CTBP2: variants seen among roughly 807,000 people sequenced by gnomAD.
CTBP2 encodes the protein C-terminal binding protein 2.
CTBP2 carries 30 observed loss-of-function variants against 80.3 expected under a neutral mutation model. The observed-to-expected ratio is 0.37, with a 90% CI of 0.28 to 0.51. The LOEUF is 0.51. CTBP2 is among the 20% of genes least tolerant of loss of function. The pLI is 0.93. For synonymous variants in CTBP2, 594 were observed against 587.4 expected (o/e 1.01, Z -0.16); for missense variants, 1,212 against 1,375.3 (o/e 0.88, Z 1.88).
intron 3 of CTBP2, among the ~76,000 whole-genome samples, chr10:125,001,812 G>T (rs1954548101): frequency 6.6e-6 from 1 of 152,202 alleles, no homozygotes; most frequent in Admixed American, 6.5e-5. Context: ...GCCCCGACTG[G>T]CCGTGAAGGA....
In CTBP2 at chr10:124,989,224, A is replaced by T; in HGVS notation, c.*294T>A. The T allele has an allele frequency of 2.5e-6, 1 of 396,798 alleles. No homozygotes were observed. Among genetic ancestry groups the T allele is most frequent in the South Asian group, 2.2e-5 (1 of 45,250 alleles). 24.6% of individuals were successfully genotyped at this position (396,798 alleles called of 1,614,324 possible). ...AGGACCTGCTGTGCCCAAGGGACTG[A>T]TAAAGGAAAAAGCTCTATTTATTCT... is the stretch of plus-strand genomic sequence containing the variant. On this transcript the variant is annotated 3_prime_UTR_variant, in exon 9 of 9. Transcript: ENST00000309035.
At chr10:125,158,204 C>T (rs1335721758) in intron 1 of CTBP2, among the ~76,000 whole-genome samples, 1 of 151,896 alleles carries the variant, frequency 6.6e-6, no homozygotes, top group Non-Finnish European at 1.5e-5. Flanking sequence ...TCTCAAAGTA[C>T]ATGAAAACTA....
chr10:125,091,337 G>T lies in CTBP2; in HGVS notation c.-102+19653C>A, dbSNP rs534327593. On this transcript the variant is annotated intron_variant, in intron 2 of 10. Coordinates refer to the CTBP2 transcript ENST00000337195. ...ACTTGTACGTCCTGGTAAAGGCAAG[G>T]AGAAAGACAGTATCTGAGGACTGGG... 3.9e-5 allele frequency among the ~76,000 whole-genome samples: 6 copies of T among 152,318 alleles called. No individual in the cohort carries two copies. The East Asian group carries it at 1.2e-3, about 29-fold the overall frequency.
At chr10:125,096,780 T>TG (rs1038630640) in intron 2 of CTBP2, among the ~76,000 whole-genome samples, 89 of 4,380 alleles carry the variant, frequency 0.02, no homozygotes, top group African/African-American at 0.053. Flanking sequence ...AGTGGTTTAA[T>TG]GGGGGGGTGG....
chr10:125,117,753 C>A (rs1853581402), intron 1 of CTBP2, among the ~76,000 whole-genome samples: 1 of 152,148 alleles, frequency 6.6e-6, no homozygotes, highest in African/African-American at 2.4e-5. Flanking sequence ...ATAAATAAAC[C>A]ATATTAATTA....
chr10:125,027,725 C>A lies in CTBP2; in HGVS notation c.35G>T (p.Arg12Leu), dbSNP rs748675772. ...CCCAGCAGCATCCCAGCTCTGAGAA[C>A]GACCAATATTTATATGCCTGCTGGG... The change falls in exon 1 of 9, where the codon CGT becomes CTT. Residue 12 changes from arginine (R) to leucine (L), a missense_variant. Coordinates refer to ENST00000309035, the MANE Select transcript of CTBP2 (RefSeq NM_022802.3). 1.2e-6 allele frequency: 2 copies of A among 1,607,722 alleles called. No homozygotes were observed. Among genetic ancestry groups the A allele is most frequent in the Non-Finnish European group, 1.7e-6 (2 of 1,175,930 alleles).
At chr10:125,151,891 G>A (rs993369307) in intron 1 of CTBP2, among the ~76,000 whole-genome samples, 18 of 152,324 alleles carry the variant, frequency 1.2e-4, no homozygotes, top group Admixed American at 2.6e-4. Context: ...AAGGCCAGCG[G>A]GAGGAAGGAG....
chr10:125,033,510 A>G (rs1338158622), intron 3 of CTBP2, among the ~76,000 whole-genome samples: 4 of 152,222 alleles, frequency 2.6e-5, no homozygotes, highest in African/African-American at 9.6e-5. Flanking sequence ...GCCGGCAGCA[A>G]AATGTATCTT....
chr10:125,136,801 C>CA (rs1857042583), intron 1 of CTBP2, among the ~76,000 whole-genome samples: 1 of 152,212 alleles, frequency 6.6e-6, no homozygotes, highest in South Asian at 2.1e-4. Context: ...TTAGTCCCCC[C>CA]AAAACAGCTT....
chr10:125,097,806 G>A (rs1361641362), intron 2 of CTBP2, among the ~76,000 whole-genome samples: 5 of 152,092 alleles, frequency 3.3e-5, no homozygotes, highest in Admixed American at 2.6e-4. Flanking sequence ...TGAGGTACAA[G>A]CAGAAGGCAA....
intron 5 of CTBP2, 148 bp from the exon 8 acceptor site, chr10:124,994,133 T>C: frequency 1.8e-6 from 2 of 1,131,354 alleles, no homozygotes; most frequent in Non-Finnish European, 2.5e-6. Flanking sequence ...GAGTGGGAAG[T>C]GTTGGTGACG....
rs987189152 is a variant in CTBP2, at chr10:125,092,613, C to T, written c.-102+18377G>A. ...TGGACAGACACACACACGGGCATGG[C>T]GGCCTCATCCTACAGGGTTAGTTCC... On this transcript the variant is annotated intron_variant, in intron 2 of 10. Coordinates refer to the CTBP2 transcript ENST00000337195. Among the ~76,000 whole-genome samples the T allele has an allele frequency of 5.9e-5, 9 of 152,322 alleles. No homozygotes were observed. The East Asian group carries it at 1.7e-3, about 29-fold the overall frequency.
chr10:125,058,462 G>A (rs1168260545), intron 2 of CTBP2, among the ~76,000 whole-genome samples: 1 of 152,162 alleles, frequency 6.6e-6, no homozygotes, highest in Non-Finnish European at 1.5e-5. Context: ...CACACAGCGA[G>A]GCATGGGCGT....
intron 4 of CTBP2, 147 bp from the exon 7 acceptor site, chr10:124,994,830 C>A: frequency 2.4e-6 from 2 of 838,802 alleles, no homozygotes; most frequent in Non-Finnish European, 3.8e-6. Context: ...CTTAGTGAGG[C>A]CTGAGGCGAG....
intron 3 of CTBP2, among the ~76,000 whole-genome samples, chr10:125,037,908 T>C (rs966653080): frequency 2.0e-5 from 3 of 152,148 alleles, no homozygotes; most frequent in African/African-American, 7.2e-5. Flanking sequence ...TTATCTCCCC[T>C]CAAAAGAATC....
intron 2 of CTBP2, among the ~76,000 whole-genome samples, chr10:125,105,988 C>T (rs994941903): frequency 1.3e-5 from 2 of 152,234 alleles, no homozygotes; most frequent in African/African-American, 4.8e-5. Flanking sequence ...CTCCTTCCCA[C>T]TCTTCTTGCC....
chr10:125,004,940 C>G (rs1481372760), intron 1 of CTBP2, among the ~76,000 whole-genome samples: 1 of 152,344 alleles, frequency 6.6e-6, no homozygotes, highest in South Asian at 2.1e-4. Context: ...CTCAAGGGCT[C>G]TTAGTAGTCC....
intron 1 of CTBP2, among the ~76,000 whole-genome samples, chr10:125,022,350 G>A (rs1957131167): frequency 6.6e-6 from 1 of 152,262 alleles, no homozygotes; most frequent in South Asian, 2.1e-4. Flanking sequence ...CTGGCCCCCA[G>A]ACCAGAGAGC....
At position 125,005,791 on chromosome 10, in the gene CTBP2, TG is replaced by T. The variant is rs774708499; in HGVS notation, c.1679-2300del. 3.7e-6 allele frequency: 6 copies of T among 1,612,314 alleles called. No homozygotes were observed. The Admixed American group carries it at 6.7e-5, about 18-fold the overall frequency. On this transcript the variant is annotated intron_variant, in intron 1 of 8. Coordinates refer to ENST00000309035, the MANE Select transcript of CTBP2 (RefSeq NM_022802.3). Reference sequence around the variant, plus strand: ...TCTGAGCGCACAACCCTGTGGGGCCTGGAAGTCCTGGTCTCATGCCCCAGGC... The same window carrying T: ...TCTGAGCGCACAACCCTGTGGGGCCTGAAGTCCTGGTCTCATGCCCCAGGC...
Sources: allele counts gnomAD v4.1 joint callset (sites outside exome capture counted in the v4.1 genomes callset), GRCh38; gene constraint gnomAD v4.1.1; transcripts MANE v1.5; gene names NCBI Gene and HGNC (gene_info 2026-07-23, HGNC 2026-07-21).